KCNJ5: variants seen among roughly 807,000 people sequenced by gnomAD.
KCNJ5 encodes potassium inwardly rectifying channel subfamily J member 5.
KCNJ5 carries 12 observed loss-of-function variants against 20.2 expected under a neutral mutation model. The ratio of observed to expected loss-of-function variants is 0.59; its 90% CI spans 0.38 to 0.96. KCNJ5 has a LOEUF of 0.96. KCNJ5 is among the 40% of genes least tolerant of loss of function. KCNJ5 has a pLI of 0.00. For synonymous variants in KCNJ5, 210 were observed against 213.9 expected, an observed-to-expected ratio of 0.98 and a Z score of 0.16; for missense variants, 449 against 557.6, an observed-to-expected ratio of 0.81 and a Z score of 1.96.
At chr11:128,916,347 T>A in intron 2 of KCNJ5, 62 bp from the exon 3 acceptor site, 1 of 1,251,374 alleles carries the variant, frequency 8.0e-7, no homozygotes, top group Non-Finnish European at 1.2e-6. Context: ...GATGAATGGA[T>A]GAATGGATGG....
chr11:128,912,390 G>GCTAA (rs1944518104), intron 2 of KCNJ5, among the ~76,000 whole-genome samples, 180 bp downstream of exon 2: 1 of 152,216 alleles, frequency 6.6e-6, no homozygotes, highest in Non-Finnish European at 1.5e-5. Flanking sequence ...AATAGCAATA[G>GCTAA]CTAACACTGA....
intron 1 of KCNJ5, among the ~76,000 whole-genome samples, chr11:128,895,785 C>T (rs1055065857): frequency 1.3e-5 from 2 of 152,256 alleles, no homozygotes; most frequent in Non-Finnish European, 2.9e-5. Context: ...TAGGGAGAGG[C>T]ACAGGCATCG....
chr11:128,902,515 G>T (rs967530088), intron 1 of KCNJ5: 9 of 1,562,938 alleles, frequency 5.8e-6, no homozygotes, highest in Admixed American at 1.9e-5. Context: ...CTGCATGGGG[G>T]AGGGGGCTGG....
intron 1 of KCNJ5, among the ~76,000 whole-genome samples, chr11:128,907,973 C>T (rs1217404572): frequency 1.3e-5 from 2 of 152,212 alleles, no homozygotes; most frequent in African/African-American, 4.8e-5. Context: ...AGAATTTCAT[C>T]TCCATTGTCC....
intron 1 of KCNJ5, chr11:128,905,423 C>T (rs1212426444): frequency 1.3e-5 from 2 of 152,376 alleles, no homozygotes; most frequent in Non-Finnish European, 1.5e-5. Flanking sequence ...CCTCCGAGGC[C>T]ACGCTAGACG....
chr11:128,909,675 G>A (rs1944471129), intron 1 of KCNJ5, among the ~76,000 whole-genome samples: 1 of 152,180 alleles, frequency 6.6e-6, no homozygotes, highest in African/African-American at 2.4e-5. Context: ...ACATGCAGCT[G>A]GCCAAGTGAC....
chr11:128,920,267 T>C lies in KCNJ5; in HGVS notation c.*3536T>C, dbSNP rs932359190. 1.3e-5 allele frequency: 2 copies of C among 152,654 alleles called. No homozygotes were observed. Among genetic ancestry groups the C allele is most frequent in the East Asian group, 3.8e-4 (2 of 5,214 alleles). 9.5% of individuals were successfully genotyped at this position (152,654 alleles called of 1,614,324 possible). ...ACTCCCCTCCCACCGGCCTCCTGTG[T>C]AGTCAGAGAACCCACTGCCCATCGC... On this transcript the variant is annotated 3_prime_UTR_variant, in exon 3 of 3. Coordinates refer to ENST00000529694, the MANE Select transcript of KCNJ5 (RefSeq NM_000890.5).
At position 128,916,628 on chromosome 11, in the gene KCNJ5, T is replaced by TG. The variant is rs1944587149; in HGVS notation, c.1163dup (p.Cys389LeufsTer3). On this transcript the variant is annotated frameshift_variant, in exon 3 of 3. Coordinates refer to ENST00000529694, the MANE Select transcript of KCNJ5 (RefSeq NM_000890.5). LOFTEE classifies it low-confidence loss of function (END_TRUNC). ...CAGTACCTCCCCAGCCCCCCACTGC[T>TG]GGGGGGCTGTGCTGAGGCAGGGCTG... 6.2e-7 allele frequency: 1 copy of TG among 1,613,562 alleles called. No homozygotes were observed. Among genetic ancestry groups the TG allele is most frequent in the African/African-American group, 1.3e-5 (1 of 74,806 alleles).
rs1009585657 is a variant in KCNJ5 at position 128,917,172 on chromosome 11, A to G, written c.*441A>G. On this transcript the variant is annotated 3_prime_UTR_variant, in exon 3 of 3. Transcript: ENST00000529694. ...GAGGAGACTTACCTGATGAGAGCTCAAACCTCTAGTCTGGGATGAGCTCAC... is the reference window on the plus strand; with the variant it reads ...GAGGAGACTTACCTGATGAGAGCTCGAACCTCTAGTCTGGGATGAGCTCAC... 3 of 166,108 alleles carry G rather than the reference A, an allele frequency of 1.8e-5. No homozygotes were observed. The highest frequency in any genetic ancestry group is 2.6e-5 in the Non-Finnish European group (2 of 76,724). 10.3% of individuals were successfully genotyped at this position (166,108 alleles called of 1,614,324 possible).
chr11:128,914,424 C>A (rs1378997757), intron 2 of KCNJ5, among the ~76,000 whole-genome samples: 1 of 152,170 alleles, frequency 6.6e-6, no homozygotes, highest in Non-Finnish European at 1.5e-5. Flanking sequence ...TCCTTCCCCT[C>A]CCACAACCCG....
intron 1 of KCNJ5, chr11:128,902,276 G>A (rs901844635): frequency 2.3e-5 from 12 of 511,162 alleles, no homozygotes; most frequent in Non-Finnish European, 3.9e-5. Context: ...CAGCTCAGGA[G>A]GCCACCTGAT....
chr11:128,892,433 G>A (rs1326135432), intron 1 of KCNJ5, among the ~76,000 whole-genome samples: 3 of 152,170 alleles, frequency 2.0e-5, no homozygotes, highest in African/African-American at 7.2e-5. Flanking sequence ...CAACCCCAGG[G>A]GCTGTGGAGG....
chr11:128,897,248 C>G (rs1411352113), intron 1 of KCNJ5, among the ~76,000 whole-genome samples: 1 of 152,036 alleles, frequency 6.6e-6, no homozygotes, highest in East Asian at 1.9e-4. Flanking sequence ...CAGGTGCGTG[C>G]CACCATGCCT....
chr11:128,911,602 T>C lies in KCNJ5; in HGVS notation c.329T>C (p.Leu110Pro). The C allele has an allele frequency of 1.2e-6, 2 of 1,614,214 alleles. No homozygotes were observed. Among genetic ancestry groups the C allele is most frequent in the South Asian group, 2.2e-5 (2 of 91,088 alleles). The change falls in exon 2 of 3, where the codon CTC (leucine) becomes CCC (proline). Residue 110 changes from leucine (L) to proline (P), a missense_variant. By Grantham distance (98) the Leu-to-Pro change is moderately conservative. Around this residue, in one of 5 missense-constraint regions of KCNJ5, gnomAD observed 203 missense variants for 258.0 expected, o/e 0.79. Coordinates refer to ENST00000529694, the MANE Select transcript of KCNJ5 (RefSeq NM_000890.5). This position sits in a 1 kb window ranked among gnomAD's most constrained non-coding sequence, Gnocchi z 6.3. ...CTGTTCTTCGGCTTCATTTGGTGGCTCATTGCTTATATCCGGGGTGACCTG... is the reference window on the plus strand; with the variant it reads ...CTGTTCTTCGGCTTCATTTGGTGGCCCATTGCTTATATCCGGGGTGACCTG... ...TWLFFGFIWW[L>P]IAYIRGDLDH...
In KCNJ5 at chr11:128,892,694, T is replaced by C. The variant is rs1437928064; in HGVS notation, c.-11+973T>C. ...GCACAGCTCATAAAGGGAGATTCTC[T>C]CCTATATCTGACTCCAAAATGTGCC... is the stretch of plus-strand genomic sequence containing the variant. On this transcript the variant is annotated intron_variant, in intron 1 of 2. Transcript: ENST00000529694. 2.6e-5 allele frequency among the ~76,000 whole-genome samples: 4 copies of C among 152,204 alleles called. No individual in the cohort carries two copies. In the East Asian group the frequency reaches 5.8e-4, roughly 22 times the overall value.
chr11:128,916,595 G>A lies in KCNJ5; in HGVS notation c.1124G>A (p.Arg375Gln), dbSNP rs530587789. ...CTGGCAGAAATGAAGAGGGAAGGCC[G>A]GCTCCTCCAGTACCTCCCCAGCCCC... The part of the protein sequence containing the change: ...KELAEMKREG[R>Q]LLQYLPSPPL... The change falls in exon 3 of 3, where the codon CGG becomes CAG. Residue 375 changes from arginine (R) to glutamine (Q), a missense_variant. Transcript: ENST00000529694. 3.0e-5 allele frequency: 48 copies of A among 1,614,056 alleles called. No individual in the cohort carries two copies. The highest frequency in any genetic ancestry group is 1.9e-4 in the African/African-American group (14 of 75,026).
chr11:128,903,274 T>C, intron 1 of KCNJ5: 1 of 1,421,686 alleles, frequency 7.0e-7, no homozygotes, highest in African/African-American at 1.4e-5. Flanking sequence ...CCCATTTAAA[T>C]AAAAATAGGA....
In KCNJ5 at chr11:128,919,670, AATTT is replaced by A. The variant is rs1439803486; in HGVS notation, c.*2946_*2949del. 4.6e-5 allele frequency: 7 copies of A among 152,348 alleles called. No individual in the cohort carries two copies. Among genetic ancestry groups the A allele is most frequent in the Non-Finnish European group, 1.0e-4 (7 of 68,042 alleles). 9.4% of individuals were successfully genotyped at this position (152,348 alleles called of 1,614,324 possible). The stretch of plus-strand genomic sequence containing the variant: ...GGGGTCACTTTCAAAACATTTAATT[AATTT>A]ATTTATGTAGAGACAGGGTCTCGCT... On this transcript the variant is annotated 3_prime_UTR_variant, in exon 3 of 3. Transcript: ENST00000529694.
intron 1 of KCNJ5, among the ~76,000 whole-genome samples, chr11:128,892,407 C>T (rs965942424): frequency 1.3e-5 from 2 of 152,162 alleles, no homozygotes; most frequent in Non-Finnish European, 2.9e-5. Context: ...TGTGCCTTCC[C>T]TCAAACAGGG....
Sources: allele counts gnomAD v4.1 joint callset (sites outside exome capture counted in the v4.1 genomes callset), GRCh38; gene constraint gnomAD v4.1.1; regional missense constraint gnomAD v4.1.1; non-coding constraint Gnocchi (gnomAD v3.1); transcripts MANE v1.5; gene names NCBI Gene and HGNC (gene_info 2026-07-23, HGNC 2026-07-21).